XXYLT1: variants seen among roughly 807,000 people sequenced by gnomAD.
The protein encoded by XXYLT1 is xyloside xylosyltransferase 1, also known as UDP-xylose:alpha-xyloside alpha-1,3-xylosyltransferase.
A neutral mutation model predicts 28.9 loss-of-function variants in XXYLT1; 20 were observed. The observed-to-expected ratio is 0.69, with a 90% CI of 0.49 to 1.00. The LOEUF is 1.00. Ranked by LOEUF, XXYLT1 falls within the 50% of genes least tolerant of loss-of-function variation. XXYLT1 has a pLI of 0.00. For synonymous variants in XXYLT1, 257 were observed against 253.8 expected (o/e 1.01, Z -0.12); for missense variants, 542 against 560.1 (o/e 0.97, Z 0.33).
At chr3:195,072,728 C>T (rs560021921) in intron 3 of XXYLT1, among the ~76,000 whole-genome samples, 31 of 152,282 alleles carry the variant, frequency 2.0e-4, no homozygotes, top group African/African-American at 7.2e-4. Flanking sequence ...CAATGACTGT[C>T]CCCACCCAAA....
chr3:195,158,370 G>A (rs1044993396), intron 2 of XXYLT1, among the ~76,000 whole-genome samples: 1 of 152,172 alleles, frequency 6.6e-6, no homozygotes, highest in African/African-American at 2.4e-5. Context: ...CTGGGAGGGC[G>A]GGGCTCAGGA....
chr3:195,259,844 C>T lies in XXYLT1; in HGVS notation c.504+10711G>A, dbSNP rs943585212. Among the ~76,000 whole-genome samples the T allele has an allele frequency of 4.6e-5, 7 of 152,348 alleles. No individual in the cohort carries two copies. In the East Asian group the frequency reaches 1.4e-3, roughly 29 times the overall value. On this transcript the variant is annotated intron_variant, in intron 1 of 3. Transcript: ENST00000310380. ...TCCCACACTGGCTGCGGAGGCCCGC[C>T]GGGTGTGACGGGGACCGGGCGGACT... is the stretch of plus-strand genomic sequence containing the variant.
At chr3:195,104,781 C>T (rs1716996554) in intron 3 of XXYLT1, among the ~76,000 whole-genome samples, 1 of 152,198 alleles carries the variant, frequency 6.6e-6, no homozygotes, top group South Asian at 2.1e-4. Context: ...CAAAATGCTA[C>T]AGGCAAAAAC....
At chr3:195,118,223 T>C (rs1358587798) in intron 3 of XXYLT1, among the ~76,000 whole-genome samples, 1 of 152,194 alleles carries the variant, frequency 6.6e-6, no homozygotes, top group African/African-American at 2.4e-5. Flanking sequence ...GGGATTTTGA[T>C]AAGATGCAGG....
chr3:195,224,705 G>A (rs1372363137), intron 2 of XXYLT1, among the ~76,000 whole-genome samples: 2 of 152,164 alleles, frequency 1.3e-5, no homozygotes, highest in Non-Finnish European at 2.9e-5. Context: ...GTGAAGGGAG[G>A]GCAGGCGTGC....
intron 3 of XXYLT1, among the ~76,000 whole-genome samples, chr3:195,156,139 T>C (rs1229337014): frequency 1.3e-5 from 2 of 152,164 alleles, no homozygotes; most frequent in Non-Finnish European, 2.9e-5. Context: ...AAGTTAAATC[T>C]TCCTCCGTAA....
chr3:195,211,555 G>GGGAACACAGCAGTGAAT lies in XXYLT1; in HGVS notation c.652+15137_652+15153dup, dbSNP rs1326034259. Among the ~76,000 whole-genome samples the GGGAACACAGCAGTGAAT allele has an allele frequency of 1.8e-4, 28 of 152,332 alleles. No individual in the cohort carries two copies. The South Asian group carries it at 5.2e-3, about 28-fold the overall frequency. ...ATGTGTCTGTATCGCTCTGGGAACT[G>GGGAACACAGCAGTGAAT]GGAACACAGCAGTGAATGAAACACA... On this transcript the variant is annotated intron_variant, in intron 2 of 3. Transcript: ENST00000310380.
intron 3 of XXYLT1, among the ~76,000 whole-genome samples, chr3:195,087,975 A>G (rs1383843646): frequency 3.9e-5 from 6 of 152,152 alleles, no homozygotes; most frequent in East Asian, 1.9e-4. Flanking sequence ...GCGCTTTTCC[A>G]ACGGGCTTAA....
chr3:195,175,223 G>A (rs1017940404), intron 2 of XXYLT1, among the ~76,000 whole-genome samples: 2 of 152,116 alleles, frequency 1.3e-5, no homozygotes, highest in African/African-American at 2.4e-5. Flanking sequence ...AGTAATGCTC[G>A]GCCTAAGTCC....
At chr3:195,139,977 A>G (rs1476122807) in intron 3 of XXYLT1, among the ~76,000 whole-genome samples, 2 of 152,214 alleles carry the variant, frequency 1.3e-5, no homozygotes, top group East Asian at 3.9e-4. Flanking sequence ...GTGCTGGTCT[A>G]GGGAGCAACA....
chr3:195,228,181 C>A (rs1724137464), intron 1 of XXYLT1, among the ~76,000 whole-genome samples: 1 of 152,192 alleles, frequency 6.6e-6, no homozygotes, highest in South Asian at 2.1e-4. Context: ...TCAATCACCA[C>A]CTCATCAACT....
In XXYLT1 at chr3:195,260,905, T is replaced by C. The variant is rs892115863; in HGVS notation, c.504+9650A>G. Among the ~76,000 whole-genome samples, 7 of 152,294 alleles carry C rather than the reference T, an allele frequency of 4.6e-5. No homozygotes were observed. In the East Asian group the frequency reaches 1.4e-3, roughly 29 times the overall value. On this transcript the variant is annotated intron_variant, in intron 1 of 3. Coordinates refer to ENST00000310380, the MANE Select transcript of XXYLT1 (RefSeq NM_152531.5). ...AAGCGCAGTTTTGGTTCATATTGAA[T>C]GGATTTATTGGGGGTGTCATCGGCA...
chr3:195,147,755 G>A (rs992514258), intron 3 of XXYLT1: 9 of 152,188 alleles, frequency 5.9e-5, no homozygotes, highest in African/African-American at 1.2e-4. Flanking sequence ...AACAAACATC[G>A]AAGTGCCTGG....
At chr3:195,153,544 G>A (rs1026551073) in intron 3 of XXYLT1, among the ~76,000 whole-genome samples, 3 of 152,156 alleles carry the variant, frequency 2.0e-5, no homozygotes, top group African/African-American at 2.4e-5. Flanking sequence ...CTGCTGCAGC[G>A]GAGGTCTCAT....
chr3:195,234,645 A>G (rs960395956), intron 1 of XXYLT1, among the ~76,000 whole-genome samples: 2 of 152,050 alleles, frequency 1.3e-5, no homozygotes, highest in African/African-American at 4.8e-5. Flanking sequence ...CATATATGCT[A>G]TTTAAGTTTT....
At chr3:195,161,122 G>A (rs1452559095) in intron 2 of XXYLT1, among the ~76,000 whole-genome samples, 1 of 152,172 alleles carries the variant, frequency 6.6e-6, no homozygotes, top group East Asian at 1.9e-4. Context: ...GCCAGGCCCT[G>A]GGAAGGCTTT....
intron 1 of XXYLT1, among the ~76,000 whole-genome samples, chr3:195,268,817 T>G (rs184352834): frequency 2.6e-4 from 39 of 152,194 alleles, no homozygotes; most frequent in African/African-American, 9.4e-4. Context: ...CATGAAACAC[T>G]TACTCCAAGA....
chr3:195,259,817 T>C (rs955245356), intron 1 of XXYLT1, among the ~76,000 whole-genome samples: 5 of 152,076 alleles, frequency 3.3e-5, no homozygotes, highest in Non-Finnish European at 7.4e-5. Context: ...AACAGACACG[T>C]TTCCCACACT....
At chr3:195,197,310 G>A (rs1489630984) in intron 2 of XXYLT1, among the ~76,000 whole-genome samples, 1 of 152,040 alleles carries the variant, frequency 6.6e-6, no homozygotes, top group African/African-American at 2.4e-5. Context: ...GGTGGTGCAC[G>A]CCTGTAGTCC....
Sources: gnomAD v4.1 joint callset for allele counts (sites outside exome capture counted in the v4.1 genomes callset) on GRCh38, gnomAD v4.1.1 for gene constraint, MANE v1.5 for transcripts, NCBI Gene and HGNC (gene_info 2026-07-23, HGNC 2026-07-21) for gene names.